The following CGREF1 variants were observed in gnomAD, a reference collection of about 807,000 sequenced individuals.
The protein encoded by CGREF1 is cell growth regulator with EF hand domain protein 1.
A neutral mutation model predicts 17.4 loss-of-function variants in CGREF1; 16 were observed. The observed-to-expected ratio is 0.92, with a 90% CI of 0.62 to 1.40. The LOEUF is 1.40. CGREF1 is among the 40% of genes most tolerant of loss of function. The pLI, the probability that CGREF1 is intolerant of heterozygous loss-of-function variation, is 0.00. For synonymous variants in CGREF1, 142 were observed against 154.6 expected (o/e 0.92, Z 0.61); for missense variants, 296 against 376.4 (o/e 0.79, Z 1.77).
rs565525235 is a variant in CGREF1 at position 27,104,632 on chromosome 2, C to T, written c.-11-255G>A. 8.1e-4 allele frequency: 1,251 copies of T among 1,550,592 alleles called. 2 individuals carry two copies. Among genetic ancestry groups the T allele is most frequent in the Non-Finnish European group, 3.7e-4 (419 of 1,146,994 alleles). On this transcript the variant is annotated intron_variant, in intron 1 of 5. Coordinates refer to ENST00000402394, the MANE Select transcript of CGREF1 (RefSeq NM_006569.6). ...GCTGTGGCGGAAGCAGAGCTGGGGG[C>T]GCATCCCCACCCCACGCCCCATTCC...
Position 27,101,790 on chromosome 2 carries a change from G to C in CGREF1, c.441C>G (p.Leu147=), listed in dbSNP as rs1235076203. 1.2e-6 allele frequency: 2 copies of C among 1,614,104 alleles called. No homozygotes were observed. Among genetic ancestry groups the C allele is most frequent in the African/African-American group, 2.7e-5 (2 of 74,942 alleles). The change falls in exon 6 of 6, where the codon CTC becomes CTG. Residue 147 remains leucine, a synonymous_variant. Transcript: ENST00000402394. ...AELINFPGVA[L]RHVEPGEPLA... ...GGGGCTCTCCGGGCTCCACGTGCCT[G>C]AGGGCTACTCCCGGGAAGTTGATGA...
intron 1 of CGREF1, among the ~76,000 whole-genome samples, chr2:27,114,894 C>T (rs573117596): frequency 2.6e-5 from 4 of 152,228 alleles, no homozygotes; most frequent in East Asian, 3.9e-4. Context: ...TCAACATCAA[C>T]GTTATCTTTT....
intron 1 of CGREF1, among the ~76,000 whole-genome samples, chr2:27,108,565 CAG>C (rs1259629441): frequency 1.3e-5 from 2 of 152,042 alleles, no homozygotes; most frequent in Admixed American, 6.5e-5. Context: ...ATTAAATAAA[CAG>C]AAATTCTCAC....
At chr2:27,108,840 G>T (rs142975348) in intron 1 of CGREF1, among the ~76,000 whole-genome samples, 15 of 152,056 alleles carry the variant, frequency 9.9e-5, no homozygotes, top group Non-Finnish European at 1.9e-4. Flanking sequence ...TTAGAGACAG[G>T]GTCTCACTCT....
At chr2:27,107,400 A>G (rs1309661907) in intron 1 of CGREF1, among the ~76,000 whole-genome samples, 2 of 151,978 alleles carry the variant, frequency 1.3e-5, no homozygotes, top group African/African-American at 4.8e-5. Context: ...GATTACAGGC[A>G]TGTGCCACCA....
At chr2:27,113,654 G>C (rs376707980) in intron 1 of CGREF1, among the ~76,000 whole-genome samples, 15 of 152,160 alleles carry the variant, frequency 9.9e-5, no homozygotes, top group Non-Finnish European at 1.5e-4. Flanking sequence ...CTAGCTGTGC[G>C]GCTTTTCTGT....
intron 1 of CGREF1, among the ~76,000 whole-genome samples, chr2:27,107,126 G>A (rs1159355244): frequency 6.6e-6 from 1 of 152,114 alleles, no homozygotes; most frequent in South Asian, 2.1e-4. Context: ...TAGCCAAAAC[G>A]TTATAAACAT....
chr2:27,102,394 T>C lies in CGREF1; in HGVS notation c.183A>G (p.Thr61=). 1.9e-6 allele frequency: 3 copies of C among 1,614,202 alleles called. No homozygotes were observed. The highest frequency in any genetic ancestry group is 2.5e-6 in the Non-Finnish European group (3 of 1,180,024). ...GGCTCAGATGCTCCAGTTGCACTTC[T>C]GTCCTTCCTAGTCCCTTTAGGTAGC... ...LQSYLKGLGR[T]EVQLEHLSRE... The change falls in exon 4 of 6, where the codon ACA becomes ACG. Residue 61 remains threonine (T), a synonymous_variant. Coordinates refer to ENST00000402394, the MANE Select transcript of CGREF1 (RefSeq NM_006569.6).
At chr2:27,107,254 T>TTTTG (rs1553347153) in intron 1 of CGREF1, among the ~76,000 whole-genome samples, 136 of 151,474 alleles carry the variant, frequency 9.0e-4, no homozygotes, top group African/African-American at 2.8e-3. Context: ...GTTCACATTT[T>TTTTG]TTTTGTTTTG....
chr2:27,101,251 T>TG lies in CGREF1; in HGVS notation c.*22dup, dbSNP rs759964516. The TG allele has an allele frequency of 8.5e-6, 13 of 1,526,206 alleles. No individual in the cohort carries two copies. The African/African-American group carries it at 1.5e-4, about 18-fold the overall frequency. 94.5% of individuals were successfully genotyped at this position (1,526,206 alleles called of 1,614,324 possible). On this transcript the variant is annotated 3_prime_UTR_variant, in exon 6 of 6. Transcript: ENST00000402394. ...CTTATGTTCTGGCACTGAGACTTCGTGGGGTACCTGTATCTTCAAGATCTA... is the reference window on the plus strand; with the variant it reads ...CTTATGTTCTGGCACTGAGACTTCGTGGGGGTACCTGTATCTTCAAGATCTA...
chr2:27,115,264 A>G (rs1234217338), intron 1 of CGREF1, among the ~76,000 whole-genome samples: 3 of 151,962 alleles, frequency 2.0e-5, no homozygotes, highest in Non-Finnish European at 1.5e-5. Flanking sequence ...CCTGAGTCCT[A>G]CCCCGTGAAT....
At chr2:27,107,085 CA>C (rs1671148781) in intron 1 of CGREF1, among the ~76,000 whole-genome samples, 1 of 152,162 alleles carries the variant, frequency 6.6e-6, no homozygotes, top group Non-Finnish European at 1.5e-5. Flanking sequence ...AAAGAATTTC[CA>C]TAGGTAAAGT....
At chr2:27,107,434 T>C (rs1312777821) in intron 1 of CGREF1, among the ~76,000 whole-genome samples, 2 of 151,662 alleles carry the variant, frequency 1.3e-5, no homozygotes, top group Non-Finnish European at 1.5e-5. Flanking sequence ...TTTGTATTTT[T>C]AGTAGAGATG....
In CGREF1 at chr2:27,102,370, G is replaced by A. The variant is rs777505053; in HGVS notation, c.207C>T (p.Ser69=). Residue 69 remains serine, a synonymous_variant, in exon 4 of 6, where the codon AGC becomes AGT. Transcript: ENST00000402394. ...AGCCCAGCCCCTCACCCTGCTCCCG[G>A]CTCAGATGCTCCAGTTGCACTTCTG... ...GRTEVQLEHL[S]REQVLLYLFA... is the part of the protein sequence containing the mutation. The A allele has an allele frequency of 8.1e-6, 13 of 1,614,114 alleles. No individual in the cohort carries two copies. The South Asian group carries it at 1.2e-4, about 15-fold the overall frequency.
chr2:27,099,625 C>T (rs2148371688), downstream of CGREF1: 1 of 1,614,134 alleles, frequency 6.2e-7, no homozygotes, highest in African/African-American at 1.3e-5. Flanking sequence ...TGTCCCTGCC[C>T]CAAACACCTG....
Position 27,101,397 on chromosome 2 carries a change from GCCC to G in CGREF1, c.831_833del (p.Gly278del). On this transcript the variant is annotated inframe_deletion, in exon 6 of 6. Transcript: ENST00000402394. ...CTCCATTCTCCCTGGCCTCTGCCTGGCCCCCAGCTTCCCCTCTGGGCCCGGGGG... is the reference window on the plus strand; with the variant it reads ...CTCCATTCTCCCTGGCCTCTGCCTGGCCAGCTTCCCCTCTGGGCCCGGGGG... 19 of 1,575,406 alleles carry G rather than the reference GCCC, an allele frequency of 1.2e-5. No individual in the cohort carries two copies. Among genetic ancestry groups the G allele is most frequent in the Middle Eastern group, 1.7e-4 (1 of 5,926 alleles).
intron 1 of CGREF1, among the ~76,000 whole-genome samples, chr2:27,109,000 G>T (rs1671242566): frequency 1.3e-5 from 2 of 151,856 alleles, no homozygotes; most frequent in African/African-American, 4.8e-5. Flanking sequence ...GCTGGTCTTG[G>T]GTGCAAGCAA....
Position 27,100,955 on chromosome 2 carries a change from C to T in CGREF1, c.*319G>A, listed in dbSNP as rs1572886982. Reference sequence around the variant, plus strand: ...GCCATGGCTAGCACCATGCGCTCTGCTGCCGGAGCACCGTGAGGCCCAGAA... The same window carrying T: ...GCCATGGCTAGCACCATGCGCTCTGTTGCCGGAGCACCGTGAGGCCCAGAA... On this transcript the variant is annotated 3_prime_UTR_variant, in exon 6 of 6. Coordinates refer to ENST00000402394, the MANE Select transcript of CGREF1 (RefSeq NM_006569.6). 2.6e-6 allele frequency: 3 copies of T among 1,147,544 alleles called. No homozygotes were observed. The highest frequency in any genetic ancestry group is 1.0e-4 in the East Asian group (2 of 19,356). 71.1% of individuals were successfully genotyped at this position (1,147,544 alleles called of 1,614,324 possible).
downstream of CGREF1, chr2:27,099,969 A>C: frequency 1.0e-6 from 1 of 992,218 alleles, no homozygotes; most frequent in Non-Finnish European, 1.5e-6. Flanking sequence ...CCTCAGAGCC[A>C]GCTTCTCCTC....
Sources: gnomAD v4.1 joint callset for allele counts (sites outside exome capture counted in the v4.1 genomes callset) on GRCh38, gnomAD v4.1.1 for gene constraint, MANE v1.5 for transcripts, NCBI Gene and HGNC (gene_info 2026-07-23, HGNC 2026-07-21) for gene names.